RBPJ: variants seen among roughly 807,000 people sequenced by gnomAD.
RBPJ encodes the protein recombining binding protein suppressor of hairless.
RBPJ carries 9 observed loss-of-function variants against 67.8 expected under a neutral mutation model. The observed-to-expected ratio is 0.13, with a 90% CI of 0.08 to 0.23. The LOEUF is 0.23. Among genes scored for constraint, RBPJ ranks in the 10% least tolerant of loss-of-function variants. The pLI, the probability that RBPJ is intolerant of heterozygous loss-of-function variation, is 1.00. For synonymous variants in RBPJ, 198 were observed against 203.3 expected (o/e 0.97, Z 0.22); for missense variants, 305 against 595.6 (o/e 0.51, Z 5.08).
chr4:26,167,232 G>GT (rs1560194431), intron 1 of RBPJ, among the ~76,000 whole-genome samples: 1 of 152,148 alleles, frequency 6.6e-6, no homozygotes, highest in Non-Finnish European at 1.5e-5. Flanking sequence ...CTTTAAAGTA[G>GT]TTTTTTCCAA....
At chr4:26,186,648 C>T (rs1336285325) in intron 1 of RBPJ, among the ~76,000 whole-genome samples, 1 of 152,128 alleles carries the variant, frequency 6.6e-6, no homozygotes, top group Non-Finnish European at 1.5e-5. Context: ...CTTTCACAGA[C>T]CTGCTGAGGT....
chr4:26,348,372 A>G (rs1034147036), intron 1 of RBPJ, among the ~76,000 whole-genome samples: 9 of 152,156 alleles, frequency 5.9e-5, no homozygotes, highest in Admixed American at 3.9e-4. Flanking sequence ...ATACTAAATG[A>G]GGTGATGGAC....
chr4:26,366,855 G>C (rs561865738), intron 1 of RBPJ, among the ~76,000 whole-genome samples: 28 of 152,216 alleles, frequency 1.8e-4, no homozygotes, highest in African/African-American at 6.7e-4. Context: ...GCCGGGCGTC[G>C]TGTTTCACGC....
intron 1 of RBPJ, among the ~76,000 whole-genome samples, chr4:26,250,111 TA>T (rs1720059865): frequency 1.3e-5 from 2 of 151,580 alleles, no homozygotes; most frequent in East Asian, 4.0e-4. Flanking sequence ...TCATTCCAAA[TA>T]GAAACTCTGT....
At chr4:26,162,737 A>G (rs887515881), upstream of RBPJ, among the ~76,000 whole-genome samples, 12 of 152,334 alleles carry the variant, frequency 7.9e-5, no homozygotes, top group South Asian at 4.1e-4. Context: ...TCCTCATCCC[A>G]TGCTGCACAG....
chr4:26,302,472 G>A (rs1722106277), intron 1 of RBPJ, among the ~76,000 whole-genome samples: 1 of 152,114 alleles, frequency 6.6e-6, no homozygotes, highest in Non-Finnish European at 1.5e-5. Flanking sequence ...TGGCCTACAA[G>A]TAATGTACTA....
At chr4:26,406,507 C>T (rs975623798) in intron 3 of RBPJ, among the ~76,000 whole-genome samples, 2 of 152,170 alleles carry the variant, frequency 1.3e-5, no homozygotes, top group Admixed American at 1.3e-4. Context: ...GACCTCTCAG[C>T]AAGGCAGTCT....
intron 1 of RBPJ, among the ~76,000 whole-genome samples, chr4:26,223,084 G>A (rs948015080): frequency 1.1e-4 from 17 of 151,900 alleles, no homozygotes; most frequent in African/African-American, 3.9e-4. Flanking sequence ...GAACCCGGGA[G>A]GCAGAGGTTG....
At chr4:26,379,019 C>T (rs866504374) in intron 1 of RBPJ, among the ~76,000 whole-genome samples, 2 of 152,088 alleles carry the variant, frequency 1.3e-5, no homozygotes, top group Non-Finnish European at 2.9e-5. Context: ...GAGTGAGACT[C>T]TCCGTCTCAA....
the RBPJ span, among the ~76,000 whole-genome samples, chr4:26,135,321 C>A: frequency 6.6e-6 from 1 of 152,118 alleles, no homozygotes; most frequent in Non-Finnish European, 1.5e-5. Context: ...CCTCATTTCA[C>A]CCTCACCACA....
At chr4:26,290,817 T>G (rs1293619887) in intron 1 of RBPJ, among the ~76,000 whole-genome samples, 4 of 150,846 alleles carry the variant, frequency 2.7e-5, no homozygotes, top group Non-Finnish European at 4.4e-5. Flanking sequence ...ATTACAGTAC[T>G]TATAAAGGTT....
intron 1 of RBPJ, among the ~76,000 whole-genome samples, chr4:26,255,388 A>G (rs1720286037): frequency 9.7e-6 from 1 of 102,752 alleles, no homozygotes. Context: ...TGGGCGACAG[A>G]GCGAGACTCC....
intron 2 of RBPJ, among the ~76,000 whole-genome samples, chr4:26,388,197 A>G (rs547999498): frequency 2.3e-4 from 35 of 152,284 alleles, no homozygotes; most frequent in African/African-American, 7.9e-4. Context: ...GGGTCTCACT[A>G]TGTTGCCCAG....
chr4:26,206,399 C>T (rs1718171228), intron 1 of RBPJ, among the ~76,000 whole-genome samples: 1 of 152,182 alleles, frequency 6.6e-6, no homozygotes, highest in African/African-American at 2.4e-5. Flanking sequence ...TCCTCCCCCT[C>T]CCAGGAGCTC....
chr4:26,425,521 A>T (rs1186629280), intron 7 of RBPJ, among the ~76,000 whole-genome samples: 1 of 151,966 alleles, frequency 6.6e-6, no homozygotes, highest in Non-Finnish European at 1.5e-5. Flanking sequence ...AAGTGGGAGG[A>T]TCACTTGAGC....
chr4:26,329,750 T>C (rs1163691105), intron 1 of RBPJ, among the ~76,000 whole-genome samples: 1 of 151,958 alleles, frequency 6.6e-6, no homozygotes, highest in East Asian at 1.9e-4. Context: ...AAAAATTAGC[T>C]GGGCGTGTTG....
chr4:26,411,484 T>C (rs1734008079), intron 3 of RBPJ, among the ~76,000 whole-genome samples: 1 of 152,112 alleles, frequency 6.6e-6, no homozygotes, highest in South Asian at 2.1e-4. Flanking sequence ...GTTTAAGGTA[T>C]GATTTTATCA....
chr4:26,352,755 G>A (rs1431693441), intron 1 of RBPJ, among the ~76,000 whole-genome samples: 1 of 152,180 alleles, frequency 6.6e-6, no homozygotes, highest in East Asian at 1.9e-4. Flanking sequence ...TATCCGTGGC[G>A]TTCTGGTAGG....
intron 1 of RBPJ, among the ~76,000 whole-genome samples, chr4:26,268,271 A>T (rs1174464044): frequency 6.6e-6 from 1 of 152,202 alleles, no homozygotes; most frequent in Admixed American, 6.5e-5. Context: ...AACAAAAAAC[A>T]AACAACAAAA....
Sources: gnomAD v4.1 joint callset for allele counts (sites outside exome capture counted in the v4.1 genomes callset) on GRCh38, gnomAD v4.1.1 for gene constraint, MANE v1.5 for transcripts, NCBI Gene and HGNC (gene_info 2026-07-23, HGNC 2026-07-21) for gene names.